DRC7: variants seen among roughly 807,000 people sequenced by gnomAD.
DRC7 encodes dynein regulatory complex subunit 7.
A neutral mutation model predicts 104.4 loss-of-function variants in DRC7; 80 were observed. That is an observed-to-expected ratio of 0.77 (90% confidence interval 0.64 to 0.92). The LOEUF (loss-of-function observed/expected upper bound fraction) is 0.92. Ranked by LOEUF, DRC7 falls within the 40% of genes least tolerant of loss-of-function variation. The pLI is 0.00. For synonymous variants in DRC7, 405 were observed against 447.3 expected (o/e 0.91, Z 1.19); for missense variants, 1,034 against 1,141.1 (o/e 0.91, Z 1.35).
rs755016112 is a variant in DRC7 at position 57,728,376 on chromosome 16, C to T, written c.2197-14C>T. On this transcript the variant is annotated splice_polypyrimidine_tract_variant and intron_variant, in intron 16 of 18. Coordinates refer to ENST00000360716, the MANE Select transcript of DRC7 (RefSeq NM_001289162.2). The stretch of plus-strand genomic sequence containing the variant: ...GTTCCTGCTGATCCAGCTATCTGCC[C>T]CTCACCTTTACAGGAGCGCATGATG... The T allele has an allele frequency of 3.3e-5, 51 of 1,566,314 alleles. No homozygotes were observed. Among genetic ancestry groups the T allele is most frequent in the Non-Finnish European group, 4.1e-5 (47 of 1,152,574 alleles).
chr16:57,700,356 A>C, intron 5 of DRC7, 86 bp downstream of exon 5: 8 of 1,493,540 alleles, frequency 5.4e-6, no homozygotes, highest in Non-Finnish European at 6.3e-6. Flanking sequence ...AACCCAAAGA[A>C]TGGACTTAGA....
chr16:57,699,553 G>A (rs545189069), intron 4 of DRC7, among the ~76,000 whole-genome samples: 1 of 152,296 alleles, frequency 6.6e-6, no homozygotes, highest in East Asian at 1.9e-4. Flanking sequence ...AAAAGCCAGA[G>A]CTTAGGTTCT....
chr16:57,719,941 A>C (rs2048885331), intron 9 of DRC7, among the ~76,000 whole-genome samples: 1 of 152,350 alleles, frequency 6.6e-6, no homozygotes, highest in East Asian at 1.9e-4. Flanking sequence ...CAAAGAAAAA[A>C]TAAGAAAAAT....
intron 6 of DRC7, among the ~76,000 whole-genome samples, chr16:57,703,469 G>T (rs1422967252): frequency 6.6e-6 from 1 of 152,208 alleles, no homozygotes; most frequent in East Asian, 1.9e-4. Flanking sequence ...CTTGGAGATG[G>T]GGATCCAGGG....
At chr16:57,721,532 T>C (rs1241404793) in intron 9 of DRC7, 135 bp from the exon 10 acceptor site, 15 of 666,650 alleles carry the variant, frequency 2.3e-5, no homozygotes, top group African/African-American at 5.5e-5. Context: ...GTCGTGCTCA[T>C]GACCTCCAGT....
intron 6 of DRC7, among the ~76,000 whole-genome samples, chr16:57,703,834 G>T (rs1378996151): frequency 6.6e-6 from 1 of 151,990 alleles, no homozygotes; most frequent in Non-Finnish European, 1.5e-5. Flanking sequence ...GGGTGTGGTG[G>T]TGCATGCCTG....
intron 10 of DRC7, 65 bp downstream of exon 10, chr16:57,721,804 T>G (rs2048905884): frequency 5.5e-6 from 7 of 1,272,210 alleles, no homozygotes; most frequent in Non-Finnish European, 3.4e-6. Context: ...CAGAGAGGTC[T>G]GCAACAGCGA....
intron 6 of DRC7, among the ~76,000 whole-genome samples, chr16:57,702,902 C>G (rs1263824462): frequency 6.6e-6 from 1 of 151,872 alleles, no homozygotes; most frequent in East Asian, 1.9e-4. Context: ...TTTTTTGAGA[C>G]AGGGTCTCTT....
rs2048974570 is a variant in DRC7, at chr16:57,726,890, T to A, written c.2033T>A (p.Leu678Gln). 6.2e-7 allele frequency: 1 copy of A among 1,613,222 alleles called. No individual in the cohort carries two copies. The change falls in exon 15 of 19, where the codon CTG becomes CAG. Residue 678 changes from leucine to glutamine, a missense_variant. Physicochemically the swap from Leu to Gln is moderately radical, Grantham distance 113. Transcript: ENST00000360716. ...LLYQYEAMMH[L>Q]KREEKLSRHQ... is the part of the protein sequence containing the mutation. The stretch of plus-strand genomic sequence containing the variant: ...TACCAGTACGAGGCCATGATGCACC[T>A]GAAGAGGGAGGAGAAGCTGTCCAGA...
Position 57,705,035 on chromosome 16 carries a change from G to A in DRC7, c.858+1G>A, listed in dbSNP as rs774157871. On this transcript the variant is annotated splice_donor_variant, in intron 7 of 18. Coordinates refer to ENST00000360716, the MANE Select transcript of DRC7 (RefSeq NM_001289162.2). LOFTEE classifies it high-confidence loss of function. The stretch of plus-strand genomic sequence containing the variant: ...GAGGGAGGAGGAGGAGCGCCTCATG[G>A]TGGGTCCTCAGCCCTGAATCCCCTG... 8 of 1,611,546 alleles carry A rather than the reference G, an allele frequency of 5.0e-6. No individual in the cohort carries two copies. The highest frequency in any genetic ancestry group is 6.8e-6 in the Non-Finnish European group (8 of 1,179,666).
At chr16:57,726,456 A>T in intron 14 of DRC7, 173 bp downstream of exon 14, 1 of 625,528 alleles carries the variant, frequency 1.6e-6, no homozygotes, top group Non-Finnish European at 2.8e-6. Context: ...CTTCTCTTTG[A>T]GCTCCTCTGA....
rs1332932476 is a variant in DRC7 at position 57,710,410 on chromosome 16, C to T, written c.1077+2732C>T. Reference sequence around the variant, plus strand: ...CACTTATTTGCCCTAATAGCCTTTGCGTGGATTCCATCAATGTTTATACAG... The same window carrying T: ...CACTTATTTGCCCTAATAGCCTTTGTGTGGATTCCATCAATGTTTATACAG... On this transcript the variant is annotated intron_variant, in intron 8 of 18. Transcript: ENST00000360716. Among the ~76,000 whole-genome samples, 6 of 152,266 alleles carry T rather than the reference C, an allele frequency of 3.9e-5. No individual in the cohort carries two copies. The East Asian group carries it at 7.7e-4, about 20-fold the overall frequency.
chr16:57,708,447 T>G (rs774011136), intron 8 of DRC7, among the ~76,000 whole-genome samples: 2 of 152,258 alleles, frequency 1.3e-5, no homozygotes, highest in Non-Finnish European at 2.9e-5. Context: ...TTGTTCATTT[T>G]CATTTTTTAT....
chr16:57,729,084 GGGT>G (rs2049011768), intron 17 of DRC7, among the ~76,000 whole-genome samples: 1 of 151,698 alleles, frequency 6.6e-6, no homozygotes, highest in African/African-American at 2.4e-5. Flanking sequence ...ATGGATGAGT[GGGT>G]AGGTGGATGG....
rs58409531 is a variant in DRC7 at position 57,731,415 on chromosome 16, C to T, written c.*157C>T. On this transcript the variant is annotated 3_prime_UTR_variant, in exon 19 of 19. Transcript: ENST00000360716. ...CCTACAGCCCTGTTTGTTCCTGCTT[C>T]TCATGATTTTCCTGTAAATAAACAC... The T allele has an allele frequency of 0.018, 10,732 of 612,128 alleles. 895 individuals are homozygous for T. The highest frequency in any genetic ancestry group is 0.17 in the African/African-American group (9,349 of 54,088). The allele number at this position is 612,128 out of a possible 1,614,324, so 37.9% of individuals were successfully genotyped here.
At chr16:57,707,369 C>T in intron 7 of DRC7, 91 bp from the exon 8 acceptor site, 4 of 1,224,034 alleles carry the variant, frequency 3.3e-6, no homozygotes, top group Non-Finnish European at 4.6e-6. Flanking sequence ...CTCAGCTCTC[C>T]TGCTGGTTCC....
At chr16:57,730,885 G>A in intron 17 of DRC7, 46 bp from the exon 18 acceptor site, 2 of 1,604,444 alleles carry the variant, frequency 1.2e-6, no homozygotes, top group Non-Finnish European at 1.7e-6. Context: ...CCTGGGTGAA[G>A]GTCAGCCTTG....
Position 57,724,748 on chromosome 16 carries a change from C to T in DRC7, c.1671C>T (p.Asp557=), listed in dbSNP as rs942109518. ...TMTEYYQGRP[D]FLSYRHASFG... ...CAGAGTACTATCAAGGACGCCCAGA[C>T]TTCCTCTCCTACCGCCATGCCAGCT... Residue 557 remains aspartate (D), a synonymous_variant, in exon 13 of 19, where the codon GAC becomes GAT. Transcript: ENST00000360716. 6 of 1,613,802 alleles carry T rather than the reference C, an allele frequency of 3.7e-6. No individual in the cohort carries two copies. In the Admixed American group the frequency reaches 8.3e-5, roughly 22 times the overall value.
chr16:57,723,663 GGCT>G (rs1363563604), intron 12 of DRC7, among the ~76,000 whole-genome samples: 1 of 151,982 alleles, frequency 6.6e-6, no homozygotes, highest in African/African-American at 2.4e-5. Flanking sequence ...AGGAGGTCGA[GGCT>G]GCAGTGAGCC....
Sources: allele counts gnomAD v4.1 joint callset (sites outside exome capture counted in the v4.1 genomes callset), GRCh38; gene constraint gnomAD v4.1.1; transcripts MANE v1.5; gene names NCBI Gene and HGNC (gene_info 2026-07-23, HGNC 2026-07-21).